The following RIPK1 variants were observed in gnomAD, a reference collection of about 807,000 sequenced individuals.
RIPK1 encodes receptor-interacting serine/threonine-protein kinase 1.
RIPK1 carries 27 observed loss-of-function variants against 62.4 expected under a neutral mutation model. The ratio of observed to expected loss-of-function variants is 0.43; its 90% CI spans 0.32 to 0.60. RIPK1 has a LOEUF of 0.60. Among genes scored for constraint, RIPK1 ranks in the 20% least tolerant of loss-of-function variants. RIPK1 has a pLI of 0.07. For missense variants in RIPK1, 735 were observed against 831.0 expected (o/e 0.88, Z 1.42); for synonymous variants, 287 against 303.2 (o/e 0.95, Z 0.55).
intron 9 of RIPK1, among the ~76,000 whole-genome samples, chr6:3,109,152 C>T (rs988177911): frequency 6.6e-6 from 1 of 152,110 alleles, no homozygotes; most frequent in South Asian, 2.1e-4. Flanking sequence ...TGGGTGTGGT[C>T]GCTGCCCTTG....
chr6:3,089,747 G>T (rs1054623533), intron 7 of RIPK1, 90 bp downstream of exon 7: 13 of 776,562 alleles, frequency 1.7e-5, no homozygotes, highest in Non-Finnish European at 2.4e-5. Flanking sequence ...TTGTTATTGA[G>T]ATTTGAGGTA....
At chr6:3,094,080 C>CCTACCTGCTGCACCTAGTAACTGCAGAGT (rs1561765115) in intron 7 of RIPK1, among the ~76,000 whole-genome samples, 1 of 126,394 alleles carries the variant, frequency 7.9e-6, no homozygotes, top group African/African-American at 4.7e-5. Context: ...AACTGCAGCG[C>CCTACCTGCTGCACCTAGTAACTGCAGAGT]GCCTACCTCC....
In RIPK1 at chr6:3,090,464, TCAAA is replaced by T. The variant is rs368890667; in HGVS notation, c.915+811_915+814del. On this transcript the variant is annotated intron_variant, in intron 7 of 10. Transcript: ENST00000259808. ...AACTCTAAGGCAAAAAATCATTCCC[TCAAA>T]CAATCAGGAATATTTCATAATGATA... 4.6e-3 allele frequency among the ~76,000 whole-genome samples: 705 copies of T among 152,204 alleles called. 3 individuals are homozygous for T. Among genetic ancestry groups the T allele is most frequent in the Non-Finnish European group, 7.1e-3 (481 of 68,010 alleles).
intron 1 of RIPK1, among the ~76,000 whole-genome samples, chr6:3,074,648 T>C (rs1383490902): frequency 2.6e-5 from 4 of 152,244 alleles, no homozygotes; most frequent in Non-Finnish European, 5.9e-5. Context: ...TCATGGTCTG[T>C]ATCTGGATGT....
At chr6:3,077,736 G>T (rs374664830) in intron 2 of RIPK1, 43 bp from the exon 3 acceptor site, 2 of 1,606,274 alleles carry the variant, frequency 1.2e-6, no homozygotes, top group African/African-American at 2.7e-5. Flanking sequence ...CTCTTGAGGC[G>T]CTGGCTCTGC....
chr6:3,087,531 G>T, intron 6 of RIPK1, among the ~76,000 whole-genome samples: 1 of 146,822 alleles, frequency 6.8e-6, no homozygotes, highest in African/African-American at 2.5e-5. Context: ...GTTTCTCCTC[G>T]ATTCCACAGT....
chr6:3,078,058 G>A, intron 3 of RIPK1, 123 bp downstream of exon 3: 1 of 923,222 alleles, frequency 1.1e-6, no homozygotes, highest in Non-Finnish European at 1.6e-6. Context: ...TTGGTAGTTT[G>A]AATTTTCTTT....
chr6:3,111,511 CTTTT>C (rs563970364), intron 10 of RIPK1, among the ~76,000 whole-genome samples: 8 of 136,754 alleles, frequency 5.8e-5, no homozygotes, highest in Admixed American at 1.4e-4. Flanking sequence ...GGGATTGGCG[CTTTT>C]TTTTTTTTTT....
At chr6:3,080,802 C>G (rs923996840) in intron 3 of RIPK1, among the ~76,000 whole-genome samples, 177 bp from the exon 4 acceptor site, 1 of 151,050 alleles carries the variant, frequency 6.6e-6, no homozygotes, top group African/African-American at 2.4e-5. Context: ...ACCCTCTGCC[C>G]CCCCCCGAAT....
Position 3,068,577 on chromosome 6 carries a change from G to A in RIPK1, c.-145G>A. The A allele has an allele frequency of 2.0e-6, 2 of 985,396 alleles. No individual in the cohort carries two copies. The highest frequency in any genetic ancestry group is 2.4e-6 in the Non-Finnish European group (2 of 829,988). The allele number at this position is 985,396 out of a possible 1,614,324, so 61.0% of individuals were successfully genotyped here. On this transcript the variant is annotated 5_prime_UTR_variant, in exon 1 of 11. Coordinates refer to ENST00000259808, the MANE Select transcript of RIPK1 (RefSeq NM_001354930.2). ...CGGCGACTCCAGGGGACCCACAGCT[G>A]GGGCGCCAGAGCGCGGCCATCCGGG...
intron 6 of RIPK1, among the ~76,000 whole-genome samples, chr6:3,086,191 A>G (rs1241913008): frequency 6.6e-6 from 1 of 152,100 alleles, no homozygotes; most frequent in Admixed American, 6.5e-5. Flanking sequence ...TTGGTTAACT[A>G]CTCACTCCTT....
rs1203197660 is a variant in RIPK1 at position 3,072,112 on chromosome 6, T to C, written c.-61+3451T>C. 1.3e-5 allele frequency among the ~76,000 whole-genome samples: 2 copies of C among 152,238 alleles called. No homozygotes were observed. Among genetic ancestry groups the C allele is most frequent in the Non-Finnish European group, 2.9e-5 (2 of 68,042 alleles). ...CTAAGTGTTTTACCTACTTTTGCTG[T>C]TCTATGTAATGCTACCAGGAACAGC... On this transcript the variant is annotated intron_variant, in intron 1 of 10. Coordinates refer to ENST00000259808, the MANE Select transcript of RIPK1 (RefSeq NM_001354930.2). This position sits in a 1 kb window ranked among gnomAD's most constrained non-coding sequence, Gnocchi z 5.6.
intron 7 of RIPK1, among the ~76,000 whole-genome samples, chr6:3,090,812 A>C (rs1318636237): frequency 2.7e-4 from 37 of 138,618 alleles, no homozygotes; most frequent in East Asian, 2.3e-3. Flanking sequence ...TGCCGCACCT[A>C]GTAACCGCAG....
In RIPK1 at chr6:3,077,857, C is replaced by T; in HGVS notation, c.243C>T (p.Val81=). Residue 81 remains valine, a synonymous_variant, in exon 3 of 11, where the codon GTC becomes GTT. Transcript: ENST00000259808. ...RHSRVVKLLG[V]IIEEGKYSLV... is the part of the protein sequence containing the mutation. ...GCCGGGTGGTGAAGCTCCTGGGCGT[C>T]ATCATAGAGGAAGGGAAGTACTCCC... 1 of 1,614,156 alleles carries T rather than the reference C, an allele frequency of 6.2e-7. No individual in the cohort carries two copies. Among genetic ancestry groups the T allele is most frequent in the Non-Finnish European group, 8.5e-7 (1 of 1,180,012 alleles).
Position 3,113,651 on chromosome 6 carries a change from G to T in RIPK1, c.*312G>T. 3.6e-6 allele frequency: 1 copy of T among 281,018 alleles called. No individual in the cohort carries two copies. The highest frequency in any genetic ancestry group is 6.7e-6 in the Non-Finnish European group (1 of 148,304). The allele number at this position is 281,018 out of a possible 1,614,324, so 17.4% of individuals were successfully genotyped here. ...ACAATCCGCTCTGAGGAAAGCGTAA[G>T]CAGGAAGACCTCTTAATGGCATAGC... On this transcript the variant is annotated 3_prime_UTR_variant, in exon 11 of 11. Transcript: ENST00000259808. The surrounding 1 kb of genome is among the most constrained non-coding windows in gnomAD (Gnocchi z 5.0).
chr6:3,103,741 C>G (rs568588007), intron 7 of RIPK1, among the ~76,000 whole-genome samples: 1 of 152,158 alleles, frequency 6.6e-6, no homozygotes, highest in Non-Finnish European at 1.5e-5. Flanking sequence ...CCTGTGTTTT[C>G]TTCTAAGAAT....
Position 3,076,881 on chromosome 6 carries a change from A to G in RIPK1, c.58A>G (p.Ser20Gly). 5 of 1,611,250 alleles carry G rather than the reference A, an allele frequency of 3.1e-6. No homozygotes were observed. Among genetic ancestry groups the G allele is most frequent in the Non-Finnish European group, 4.2e-6 (5 of 1,177,958 alleles). The change falls in exon 2 of 11, where the codon AGT (serine) becomes GGT (glycine). Residue 20 changes from serine to glycine, a missense_variant. By Grantham distance (56) the Ser-to-Gly change is moderately conservative. This residue lies in a region of RIPK1 where 671 missense variants were observed against 726.2 expected (regional missense o/e 0.92). Coordinates refer to ENST00000259808, the MANE Select transcript of RIPK1 (RefSeq NM_001354930.2). ...IKMKSSDFLE[S>G]AELDSGGFGK... is the part of the protein sequence containing the mutation. ...GATGAAATCCAGTGACTTCCTGGAG[A>G]GTGCAGAACTGGACAGCGGAGGCTT...
chr6:3,080,002 G>A (rs565490317), intron 3 of RIPK1, among the ~76,000 whole-genome samples: 198 of 152,336 alleles, frequency 1.3e-3, no homozygotes, highest in African/African-American at 4.4e-3. Flanking sequence ...AGCAGAAAGA[G>A]AGGAGAGAGG....
chr6:3,077,051 G>GAGCC, intron 2 of RIPK1, 64 bp downstream of exon 2: 1 of 1,478,990 alleles, frequency 6.8e-7, no homozygotes, highest in Non-Finnish European at 9.1e-7. Context: ...GGCTGTTGTG[G>GAGCC]AGCCGTTGGC....
Sources: allele counts gnomAD v4.1 joint callset (sites outside exome capture counted in the v4.1 genomes callset), GRCh38; gene constraint gnomAD v4.1.1; regional missense constraint gnomAD v4.1.1; non-coding constraint Gnocchi (gnomAD v3.1); transcripts MANE v1.5; gene names NCBI Gene and HGNC (gene_info 2026-07-23, HGNC 2026-07-21).